The following UBAC2 variants were observed in gnomAD, a reference collection of about 807,000 sequenced individuals.
UBAC2 encodes ubiquitin-associated domain-containing protein 2.
In UBAC2, 26 loss-of-function variants were observed where a neutral mutation model predicts 44.0. The ratio of observed to expected loss-of-function variants is 0.59; its 90% CI spans 0.43 to 0.82. The LOEUF (loss-of-function observed/expected upper bound fraction) is 0.82, where lower values mean the gene tolerates loss of function less well. Ranked by LOEUF, UBAC2 falls within the 40% of genes least tolerant of loss-of-function variation. UBAC2 has a pLI of 0.00. For missense variants in UBAC2, 329 were observed against 419.4 expected (o/e 0.78, Z 1.88); for synonymous variants, 155 against 154.3 (o/e 1.00, Z -0.04).
At chr13:99,273,194 C>T (rs1394634558) in intron 4 of UBAC2, among the ~76,000 whole-genome samples, 1 of 151,976 alleles carries the variant, frequency 6.6e-6, no homozygotes, top group African/African-American at 2.4e-5. Context: ...AAAAATGTTG[C>T]TTTCCTAGTT....
At chr13:99,282,225 T>TTTG (rs2043963303) in intron 4 of UBAC2, among the ~76,000 whole-genome samples, 1 of 151,734 alleles carries the variant, frequency 6.6e-6, no homozygotes, top group South Asian at 2.1e-4. Flanking sequence ...AAATGACACT[T>TTTG]GGGGGGCAAA....
chr13:99,244,374 T>A, intron 3 of UBAC2, 141 bp from the exon 4 acceptor site: 1 of 556,588 alleles, frequency 1.8e-6, no homozygotes, highest in Admixed American at 3.4e-5. Flanking sequence ...TTCAAATATA[T>A]ATACACACAT....
chr13:99,321,582 C>T (rs985380851), intron 6 of UBAC2, among the ~76,000 whole-genome samples: 11 of 152,174 alleles, frequency 7.2e-5, no homozygotes, highest in Non-Finnish European at 1.2e-4. Flanking sequence ...GGATTATAGG[C>T]GTGAGCCACC....
chr13:99,341,598 C>CAT (rs543196606), intron 7 of UBAC2, among the ~76,000 whole-genome samples: 48 of 151,888 alleles, frequency 3.2e-4, no homozygotes, highest in Non-Finnish European at 5.4e-4. Flanking sequence ...GTGGAAGCTA[C>CAT]ATATATATAT....
intron 1 of UBAC2, among the ~76,000 whole-genome samples, chr13:99,220,914 A>G: frequency 6.6e-6 from 1 of 152,138 alleles, no homozygotes; most frequent in East Asian, 1.9e-4. Context: ...CCATGAACAG[A>G]CCAGAGATTA....
At chr13:99,289,130 T>C (rs1257851658) in intron 4 of UBAC2, among the ~76,000 whole-genome samples, 1 of 152,190 alleles carries the variant, frequency 6.6e-6, no homozygotes, top group Non-Finnish European at 1.5e-5. Flanking sequence ...TGGAGCTGGG[T>C]TGGAGTCTGA....
chr13:99,367,761 A>T (rs1180267425), intron 7 of UBAC2, 26 bp from the exon 8 acceptor site: 1 of 1,613,808 alleles, frequency 6.2e-7, no homozygotes, highest in African/African-American at 1.3e-5. Context: ...TCTGTGTCTG[A>T]TAACTGTGTG....
At chr13:99,373,515 A>T (rs1265126377) in intron 8 of UBAC2, among the ~76,000 whole-genome samples, 1 of 152,210 alleles carries the variant, frequency 6.6e-6, no homozygotes, top group African/African-American at 2.4e-5. Flanking sequence ...GAATTCTGAA[A>T]ACACTAAGAT....
chr13:99,200,958 C>T lies in UBAC2; in HGVS notation c.31+19C>T. On this transcript the variant is annotated intron_variant, in intron 1 of 8. Coordinates refer to ENST00000403766, the MANE Select transcript of UBAC2 (RefSeq NM_001144072.2). ...GGGCTCTGTGAGTACCGGCCTCCGC[C>T]ATCCTGGCTGCCCCCTACACGCCAC... is the stretch of plus-strand genomic sequence containing the variant. 2 of 1,305,232 alleles carry T rather than the reference C, an allele frequency of 1.5e-6. No individual in the cohort carries two copies. Among genetic ancestry groups the T allele is most frequent in the South Asian group, 3.1e-5 (1 of 32,688 alleles). The allele number at this position is 1,305,232 out of a possible 1,614,324, so 80.9% of individuals were successfully genotyped here.
At chr13:99,327,688 A>T (rs995960934) in intron 6 of UBAC2, among the ~76,000 whole-genome samples, 3 of 152,230 alleles carry the variant, frequency 2.0e-5, no homozygotes, top group Non-Finnish European at 4.4e-5. Context: ...GATAGCTGAG[A>T]ACATTTTCAA....
intron 4 of UBAC2, among the ~76,000 whole-genome samples, chr13:99,311,265 G>A (rs183147846): frequency 6.6e-6 from 1 of 152,266 alleles, no homozygotes; most frequent in East Asian, 1.9e-4. Flanking sequence ...GAAGAGAGTA[G>A]AGAATGCAGA....
chr13:99,333,644 A>G (rs12429568), intron 6 of UBAC2, among the ~76,000 whole-genome samples: 21,721 of 152,222 alleles, frequency 0.14, 2,036 homozygotes, highest in Middle Eastern at 0.22. Context: ...CAAAAGCCCT[A>G]CTTCCCTGCC....
At chr13:99,370,755 C>G (rs1368949769) in intron 8 of UBAC2, among the ~76,000 whole-genome samples, 1 of 152,194 alleles carries the variant, frequency 6.6e-6, no homozygotes, top group Non-Finnish European at 1.5e-5. Context: ...CAGCCCCTCC[C>G]GCTTGCCACT....
At chr13:99,360,606 A>G (rs2045252479) in intron 7 of UBAC2, among the ~76,000 whole-genome samples, 1 of 152,114 alleles carries the variant, frequency 6.6e-6, no homozygotes, top group Non-Finnish European at 1.5e-5. Context: ...AAGGCGGTAT[A>G]AACCCACTTA....
At chr13:99,314,351 A>G (rs16956449) in intron 5 of UBAC2, 131 bp downstream of exon 5, 213,981 of 1,062,792 alleles carry the variant, frequency 0.2, 24,759 homozygotes, top group African/African-American at 0.42. Context: ...TTCATGATCT[A>G]TATCAAATGT....
At chr13:99,351,404 A>G in intron 7 of UBAC2, 1 of 379,518 alleles carries the variant, frequency 2.6e-6, no homozygotes, top group Non-Finnish European at 5.2e-6. Flanking sequence ...AAATGGTTAT[A>G]TAGGTAACTA....
intron 4 of UBAC2, among the ~76,000 whole-genome samples, chr13:99,269,131 T>C (rs944307262): frequency 6.6e-6 from 1 of 152,160 alleles, no homozygotes; most frequent in Admixed American, 6.5e-5. Context: ...CTGAGGATAC[T>C]CAGGCTGTGG....
intron 4 of UBAC2, among the ~76,000 whole-genome samples, chr13:99,282,702 G>C (rs1055181209): frequency 2.0e-5 from 3 of 152,212 alleles, no homozygotes; most frequent in Non-Finnish European, 2.9e-5. Flanking sequence ...TTGTATTCAA[G>C]ATTCACTTCC....
chr13:99,367,067 A>G (rs763665223), intron 7 of UBAC2, among the ~76,000 whole-genome samples: 1 of 152,184 alleles, frequency 6.6e-6, no homozygotes, highest in Non-Finnish European at 1.5e-5. Context: ...GCAGCATGTG[A>G]TGCATTTTTC....
Sources: gnomAD v4.1 joint callset for allele counts (sites outside exome capture counted in the v4.1 genomes callset) on GRCh38, gnomAD v4.1.1 for gene constraint, MANE v1.5 for transcripts, NCBI Gene and HGNC (gene_info 2026-07-23, HGNC 2026-07-21) for gene names.